PGM1: variants seen among roughly 807,000 people sequenced by gnomAD.
The protein encoded by PGM1 is phosphoglucomutase-1.
Under a neutral mutation model 55.6 loss-of-function variants are expected in PGM1, and 52 were observed. The ratio of observed to expected loss-of-function variants is 0.94; its 90% CI spans 0.75 to 1.18. The LOEUF (loss-of-function observed/expected upper bound fraction) is 1.18, where lower values mean the gene tolerates loss of function less well. Ranked by LOEUF, PGM1 falls within the 50% of genes most tolerant of loss-of-function variation. The pLI, the probability that PGM1 is intolerant of heterozygous loss-of-function variation, is 0.00. For missense variants in PGM1, 724 were observed against 729.3 expected (o/e 0.99, Z 0.08); for synonymous variants, 287 against 271.7 (o/e 1.06, Z -0.55).
At chr1:63,658,032 G>C (rs1388009060) in intron 10 of PGM1, among the ~76,000 whole-genome samples, 1 of 152,212 alleles carries the variant, frequency 6.6e-6, no homozygotes, top group Admixed American at 6.5e-5. Flanking sequence ...ATGGTGTGAG[G>C]TTCCCACAAT....
chr1:63,628,359 C>A (rs1445296659), intron 1 of PGM1, among the ~76,000 whole-genome samples: 1 of 152,104 alleles, frequency 6.6e-6, no homozygotes, highest in Non-Finnish European at 1.5e-5. Flanking sequence ...TGAAGGGAAC[C>A]AGGTGCTCCT....
chr1:63,626,942 C>G (rs1451177834), intron 1 of PGM1, among the ~76,000 whole-genome samples: 1 of 151,840 alleles, frequency 6.6e-6, no homozygotes, highest in East Asian at 1.9e-4. Context: ...TCTTTAAATA[C>G]CTCATGTAAG....
chr1:63,636,125 T>G, intron 5 of PGM1, 109 bp from the exon 6 acceptor site: 1 of 1,064,302 alleles, frequency 9.4e-7, no homozygotes, highest in Admixed American at 1.9e-5. Context: ...GGAAAGGAGA[T>G]CAATTTCAAA....
At chr1:63,625,275 T>A (rs1028518999) in intron 1 of PGM1, among the ~76,000 whole-genome samples, 1 of 152,234 alleles carries the variant, frequency 6.6e-6, no homozygotes, top group African/African-American at 2.4e-5. Context: ...ATTTAAGTGA[T>A]AATTGACTAA....
At chr1:63,612,415 A>G (rs1648593250) in intron 1 of PGM1, among the ~76,000 whole-genome samples, 2 of 152,220 alleles carry the variant, frequency 1.3e-5, no homozygotes, top group African/African-American at 2.4e-5. Flanking sequence ...AATGATTGAT[A>G]TATAGTTCAC....
At chr1:63,602,912 T>C (rs984233531) in intron 1 of PGM1, among the ~76,000 whole-genome samples, 2 of 151,954 alleles carry the variant, frequency 1.3e-5, no homozygotes, top group African/African-American at 4.8e-5. Flanking sequence ...AGCACTGGGA[T>C]GGAGGTGAGC....
chr1:63,659,535 A>C (rs1233929522), intron 10 of PGM1, 51 bp from the exon 11 acceptor site: 1 of 1,441,160 alleles, frequency 6.9e-7, no homozygotes, highest in South Asian at 1.1e-5. Context: ...GGAGCTAAGC[A>C]TCTGTGTTTA....
chr1:63,610,183 GTACA>G (rs2100965473), intron 1 of PGM1, among the ~76,000 whole-genome samples: 1 of 152,276 alleles, frequency 6.6e-6, no homozygotes, highest in Admixed American at 6.5e-5. Context: ...ATGAAATAAT[GTACA>G]TACAAAGGTT....
intron 1 of PGM1, among the ~76,000 whole-genome samples, chr1:63,598,022 C>T (rs1312394472): frequency 6.6e-6 from 1 of 152,098 alleles, no homozygotes; most frequent in Admixed American, 6.6e-5. Flanking sequence ...CAGACTGCAG[C>T]ACAGTAGCGC....
chr1:63,627,556 T>C (rs960407126), intron 1 of PGM1, among the ~76,000 whole-genome samples: 4 of 152,148 alleles, frequency 2.6e-5, no homozygotes, highest in Non-Finnish European at 4.4e-5. Context: ...CCACCAGATG[T>C]ACCTCTTCTT....
intron 1 of PGM1, among the ~76,000 whole-genome samples, chr1:63,618,819 CGATT>C (rs1648811985): frequency 6.6e-6 from 1 of 152,036 alleles, no homozygotes; most frequent in Non-Finnish European, 1.5e-5. Context: ...CCCCTGTTCC[CGATT>C]CTCAGGTCTG....
At chr1:63,633,947 T>TTTTTTTTTTTTTTA (rs1557433857) in intron 4 of PGM1, among the ~76,000 whole-genome samples, 6 of 119,776 alleles carry the variant, frequency 5.0e-5, no homozygotes, top group African/African-American at 2.0e-4. Flanking sequence ...TTTTTTTTTT[T>TTTTTTTTTTTTTTA]TTTTTTTTTT....
chr1:63,634,779 AG>A, intron 4 of PGM1, 49 bp from the exon 5 acceptor site: 1 of 1,492,448 alleles, frequency 6.7e-7, no homozygotes, highest in Non-Finnish European at 9.3e-7. Flanking sequence ...ACATACTTTA[AG>A]GAGTTTTATT....
At chr1:63,633,431 C>G (rs901834766) in intron 4 of PGM1, among the ~76,000 whole-genome samples, 2 of 152,114 alleles carry the variant, frequency 1.3e-5, no homozygotes, top group African/African-American at 4.8e-5. Flanking sequence ...GCCCTGGCTG[C>G]CTTGACCTCA....
At chr1:63,613,252 G>A (rs1389110016) in intron 1 of PGM1, among the ~76,000 whole-genome samples, 1 of 119,788 alleles carries the variant, frequency 8.3e-6, no homozygotes, top group Non-Finnish European at 1.6e-5. Context: ...AAAAGGAGTT[G>A]GCTTATCTTT....
chr1:63,657,163 C>T (rs1649990924), intron 10 of PGM1, among the ~76,000 whole-genome samples: 1 of 152,170 alleles, frequency 6.6e-6, no homozygotes, highest in Non-Finnish European at 1.5e-5. Context: ...GCTTATTTTT[C>T]CACAAAGGCT....
chr1:63,629,472 T>A lies in PGM1; in HGVS notation c.294T>A (p.Ala98=), dbSNP rs777459281. 1.4e-4 allele frequency: 226 copies of A among 1,613,690 alleles called. 1 individual carries two copies. Among genetic ancestry groups the A allele is most frequent in the Non-Finnish European group, 1.9e-4 (222 of 1,179,688 alleles). Residue 98 remains alanine, a synonymous_variant, in exon 2 of 11, where the codon GCT becomes GCA. Transcript: ENST00000371084. ...AGAATGGAATCCTCTCCACCCCTGC[T>A]GTATCCTGCATCATTAGAAAAATCA... The part of the protein sequence containing the change: ...IGQNGILSTP[A]VSCIIRKIKA...
rs575236178 is a variant in PGM1 at position 63,659,931 on chromosome 1, ATTTGTCT to A, written c.*257_*263del. 193 of 583,118 alleles carry A rather than the reference ATTTGTCT, an allele frequency of 3.3e-4. 2 individuals carry two copies. In the South Asian group the frequency reaches 3.6e-3, roughly 11 times the overall value. 36.1% of individuals were successfully genotyped at this position (583,118 alleles called of 1,614,324 possible). On this transcript the variant is annotated 3_prime_UTR_variant, in exon 11 of 11. Transcript: ENST00000371084. ...CCTCCTGCATTGCTGCTGCGTGGGT[ATTTGTCT>A]CCTTAGCCATCAGGTACAGTTTACA...
At chr1:63,617,841 C>T (rs541021670) in intron 1 of PGM1, among the ~76,000 whole-genome samples, 2 of 150,330 alleles carry the variant, frequency 1.3e-5, no homozygotes, top group Non-Finnish European at 3.0e-5. Flanking sequence ...CTCTGCTGAC[C>T]CATTTGTCAA....
Sources: allele counts gnomAD v4.1 joint callset (sites outside exome capture counted in the v4.1 genomes callset), GRCh38; gene constraint gnomAD v4.1.1; transcripts MANE v1.5; gene names NCBI Gene and HGNC (gene_info 2026-07-23, HGNC 2026-07-21).